SUSD1: variants seen among roughly 807,000 people sequenced by gnomAD.
SUSD1 encodes the protein sushi domain containing 1, also known as sushi domain-containing protein 1.
SUSD1 carries 65 observed loss-of-function variants against 86.9 expected under a neutral mutation model. That is an observed-to-expected ratio of 0.75 (90% CI 0.61 to 0.92). The LOEUF (loss-of-function observed/expected upper bound fraction) is 0.92. Among genes scored for constraint, SUSD1 ranks in the 40% least tolerant of loss-of-function variants. The pLI is 0.00. For missense variants in SUSD1, 850 were observed against 929.7 expected, an observed-to-expected ratio of 0.91 and a Z score of 1.11; for synonymous variants, 346 against 350.0, an observed-to-expected ratio of 0.99 and a Z score of 0.13.
chr9:112,152,610 A>G (rs1452501239), intron 2 of SUSD1, among the ~76,000 whole-genome samples: 2 of 142,288 alleles, frequency 1.4e-5, no homozygotes, highest in Non-Finnish European at 3.0e-5. Context: ...GGGTCTCAAT[A>G]TGTTGCTCAG....
chr9:112,133,735 G>T lies in SUSD1; in HGVS notation c.706+8585C>A, dbSNP rs202009309. ...ACAAGTGAGACCTAATTAAACTAAG[G>T]AGCCTCTGTACAGCAAAAGAAACTA... On this transcript the variant is annotated intron_variant, in intron 5 of 16. Coordinates refer to ENST00000374270, the MANE Select transcript of SUSD1 (RefSeq NM_022486.5). 9.2e-5 allele frequency among the ~76,000 whole-genome samples: 14 copies of T among 152,274 alleles called. No homozygotes were observed. The East Asian group carries it at 2.7e-3, about 29-fold the overall frequency.
intron 6 of SUSD1, among the ~76,000 whole-genome samples, chr9:112,117,607 T>C (rs1196695410): frequency 2.0e-5 from 3 of 152,152 alleles, no homozygotes; most frequent in African/African-American, 7.2e-5. Flanking sequence ...TTTGTTAGCA[T>C]CTAGTATTTC....
chr9:112,050,770 A>G lies in SUSD1; in HGVS notation c.2149+1629T>C, dbSNP rs79821223. 4.7e-4 allele frequency among the ~76,000 whole-genome samples: 71 copies of G among 152,356 alleles called. 4 individuals carry two copies. In the East Asian group the frequency reaches 0.014, roughly 29 times the overall value. On this transcript the variant is annotated intron_variant, in intron 15 of 16. Transcript: ENST00000374270. ...AAACTAATGGAATTCCTGGGAATCA[A>G]ATCCACTGGCTGGCTGCCTGTTGGT...
Position 112,064,800 on chromosome 9 carries a change from G to A in SUSD1, c.1754-1767C>T, listed in dbSNP as rs184450397. ...CAGAGGCAGGAGAATCGCTTGAACC[G>A]GGCAGGCAGAGGTTGCAGTGAGCCA... is the stretch of plus-strand genomic sequence containing the variant. On this transcript the variant is annotated intron_variant, in intron 12 of 16. Coordinates refer to ENST00000374270, the MANE Select transcript of SUSD1 (RefSeq NM_022486.5). 3.3e-3 allele frequency among the ~76,000 whole-genome samples: 500 copies of A among 151,150 alleles called. 3 individuals carry two copies. Among genetic ancestry groups the A allele is most frequent in the African/African-American group, 0.011 (456 of 41,128 alleles).
At chr9:112,096,373 G>A (rs543210398) in intron 10 of SUSD1, among the ~76,000 whole-genome samples, 106 of 152,230 alleles carry the variant, frequency 7.0e-4, no homozygotes, top group African/African-American at 2.4e-3. Context: ...CACCAAAGGA[G>A]TAGCATCTAT....
At chr9:112,141,247 C>G (rs182109821) in intron 5 of SUSD1, among the ~76,000 whole-genome samples, 1 of 152,300 alleles carries the variant, frequency 6.6e-6, no homozygotes, top group Admixed American at 6.5e-5. Context: ...ATGATGGCTA[C>G]GATGTCACTA....
At chr9:112,108,910 G>A (rs527379629) in intron 8 of SUSD1, among the ~76,000 whole-genome samples, 4 of 149,594 alleles carry the variant, frequency 2.7e-5, no homozygotes, top group Non-Finnish European at 4.4e-5. Context: ...TAAAACCCAA[G>A]AGTTCATCCC....
Position 112,098,617 on chromosome 9 carries a change from C to T in SUSD1, c.1327G>A (p.Ala443Thr). 6.2e-7 allele frequency: 1 copy of T among 1,614,176 alleles called. No individual in the cohort carries two copies. ...QRWYLANFSH[A>T]TSFNFTTREQ... ...CTCGTTGTGAAGTTAAACGATGTTG[C>T]ATGAGAAAAGTTAGCCAGATACCAC... Residue 443 changes from alanine (A) to threonine (T), a missense_variant, in exon 10 of 17, where the codon GCA (alanine) becomes ACA (threonine). Transcript: ENST00000374270.
rs1260876025 is a variant in SUSD1 at position 112,143,761 on chromosome 9, A to T, written c.374-138T>A. The T allele has an allele frequency of 3.6e-6, 3 of 837,580 alleles. No individual in the cohort carries two copies. The East Asian group carries it at 8.3e-5, about 23-fold the overall frequency. The allele number at this position is 837,580 out of a possible 1,614,324, so 51.9% of individuals were successfully genotyped here. ...AGATGCATTTGTTTGCAATTGTATC[A>T]TACATTTTATTTTATGCCTTATGGG... is the stretch of plus-strand genomic sequence containing the variant. On this transcript the variant is annotated intron_variant, in intron 3 of 16. Transcript: ENST00000374270.
In SUSD1 at chr9:112,078,603, T is replaced by C. The variant is rs759309194; in HGVS notation, c.1688A>G (p.Asn563Ser). The C allele has an allele frequency of 7.4e-6, 12 of 1,613,896 alleles. No individual in the cohort carries two copies. Among genetic ancestry groups the C allele is most frequent in the South Asian group, 1.1e-5 (1 of 91,078 alleles). Residue 563 changes from asparagine to serine, a missense_variant, in exon 12 of 17, where the codon AAT (asparagine) becomes AGT (serine). Transcript: ENST00000374270. Reference sequence around the variant, plus strand: ...CGAAGACAGAGCCCGGAGACTGACATTGTAGTTGGTACCCGGACGTAGGTC... The same window carrying C: ...CGAAGACAGAGCCCGGAGACTGACACTGTAGTTGGTACCCGGACGTAGGTC... The part of the protein sequence containing the change: ...CLDLRPGTNY[N>S]VSLRALSSEL...
chr9:112,152,454 T>C (rs1398269766), intron 2 of SUSD1, among the ~76,000 whole-genome samples: 5 of 151,812 alleles, frequency 3.3e-5, no homozygotes, highest in South Asian at 2.1e-4. Context: ...CTGACTGGAG[T>C]GCAGTGGTGT....
intron 5 of SUSD1, among the ~76,000 whole-genome samples, chr9:112,128,450 G>A (rs1011768609): frequency 6.6e-6 from 1 of 151,902 alleles, no homozygotes; most frequent in Non-Finnish European, 1.5e-5. Context: ...CCGGAGTACA[G>A]TGGTGCAATC....
chr9:112,080,160 G>A lies in SUSD1; in HGVS notation c.1480C>T (p.Gln494Ter), dbSNP rs369751150. The change falls in exon 11 of 17, where the codon CAG becomes TAG. Residue 494 changes from glutamine (Q) to a stop codon, truncating the protein, a stop_gained. Coordinates refer to ENST00000374270, the MANE Select transcript of SUSD1 (RefSeq NM_022486.5). LOFTEE classifies it high-confidence loss of function. ...ITIATPPAVK[Q>*]TISNISGFNE... ...AATCCTGAAATGTTACTGATGGTCT[G>A]TTTTACTGTAGTGGAAAAGAAATGA... 40 of 1,610,858 alleles carry A rather than the reference G, an allele frequency of 2.5e-5. No homozygotes were observed. Among genetic ancestry groups the A allele is most frequent in the Non-Finnish European group, 3.4e-5 (40 of 1,177,376 alleles).
chr9:112,125,242 T>C (rs531029057), intron 5 of SUSD1, among the ~76,000 whole-genome samples: 1 of 152,314 alleles, frequency 6.6e-6, no homozygotes, highest in East Asian at 1.9e-4. Flanking sequence ...ATCAGCAAGA[T>C]GTATGGATGT....
chr9:112,091,346 G>T (rs181468833), intron 10 of SUSD1, among the ~76,000 whole-genome samples: 128 of 152,164 alleles, frequency 8.4e-4, no homozygotes, highest in African/African-American at 3.0e-3. Flanking sequence ...TCCATTATGG[G>T]GGAAGTTTTA....
In SUSD1 at chr9:112,048,997, G is replaced by A. The variant is rs1828075468; in HGVS notation, c.2149+3402C>T. Among the ~76,000 whole-genome samples, 3 of 152,190 alleles carry A rather than the reference G, an allele frequency of 2.0e-5. No individual in the cohort carries two copies. The South Asian group carries it at 6.2e-4, about 32-fold the overall frequency. The stretch of plus-strand genomic sequence containing the variant: ...GAAGCCAAACTGAAAAATAATGGAG[G>A]ACCACAGAAGCAGAGGAAACAAAAT... On this transcript the variant is annotated intron_variant, in intron 15 of 16. Coordinates refer to ENST00000374270, the MANE Select transcript of SUSD1 (RefSeq NM_022486.5).
At chr9:112,070,530 T>G (rs1015986052) in intron 12 of SUSD1, among the ~76,000 whole-genome samples, 2 of 152,178 alleles carry the variant, frequency 1.3e-5, no homozygotes, top group Admixed American at 6.5e-5. Context: ...AGGCAAGAAA[T>G]GGGTCCTGCC....
At chr9:112,161,507 T>TC (rs1564353649) in intron 1 of SUSD1, among the ~76,000 whole-genome samples, 1 of 151,662 alleles carries the variant, frequency 6.6e-6, no homozygotes, top group African/African-American at 2.4e-5. Context: ...ATGAACATTC[T>TC]CCCCAATTTA....
intron 8 of SUSD1, among the ~76,000 whole-genome samples, chr9:112,106,266 C>G (rs908819220): frequency 6.6e-6 from 1 of 151,856 alleles, no homozygotes; most frequent in Non-Finnish European, 1.5e-5. Flanking sequence ...AGCCACCACA[C>G]CTGGCCAGGA....
Sources: allele counts gnomAD v4.1 joint callset (sites outside exome capture counted in the v4.1 genomes callset), GRCh38; gene constraint gnomAD v4.1.1; transcripts MANE v1.5; gene names NCBI Gene and HGNC (gene_info 2026-07-23, HGNC 2026-07-21).